CDH23: variants seen among roughly 807,000 people sequenced by gnomAD.
The protein encoded by CDH23 is cadherin-23.
Under a neutral mutation model 317.1 loss-of-function variants are expected in CDH23, and 189 were observed. That is an observed-to-expected ratio of 0.60 (90% CI 0.53 to 0.67). The LOEUF (loss-of-function observed/expected upper bound fraction) is 0.67. Among genes scored for constraint, CDH23 ranks in the 30% least tolerant of loss-of-function variants. The pLI is 0.00. For synonymous variants in CDH23, 1,839 were observed against 1,876.8 expected, an observed-to-expected ratio of 0.98 and a Z score of 0.52; for missense variants, 4,401 against 4,592.4, an observed-to-expected ratio of 0.96 and a Z score of 1.20.
chr10:71,653,012 C>T (rs1863249167), intron 14 of CDH23, among the ~76,000 whole-genome samples: 2 of 152,088 alleles, frequency 1.3e-5, no homozygotes, highest in Admixed American at 1.3e-4. Context: ...TCCCCACCCA[C>T]CCACTGGCCT....
At chr10:71,809,015 A>G (rs1841827380) in intron 60 of CDH23, among the ~76,000 whole-genome samples, 1 of 152,148 alleles carries the variant, frequency 6.6e-6, no homozygotes, top group Non-Finnish European at 1.5e-5. Context: ...TCTTATTTTA[A>G]TAAATCAAGG....
intron 69 of CDH23, 89 bp downstream of exon 69, chr10:71,813,437 TCTCTGGAG>T (rs1382615808): frequency 8.8e-7 from 1 of 1,134,746 alleles, no homozygotes; most frequent in African/African-American, 1.5e-5. Flanking sequence ...CTTCTCTATG[TCTCTGGAG>T]CTCTGCAGCC....
intron 52 of CDH23, 50 bp from the exon 53 acceptor site, chr10:71,800,582 CAATA>C: frequency 6.3e-7 from 1 of 1,580,938 alleles, no homozygotes; most frequent in South Asian, 1.1e-5. Flanking sequence ...AGTAGGTGCT[CAATA>C]AATATCTTTT....
At chr10:71,469,760 A>G (rs1851422923) in intron 3 of CDH23, among the ~76,000 whole-genome samples, 2 of 152,030 alleles carry the variant, frequency 1.3e-5, no homozygotes, top group Non-Finnish European at 2.9e-5. Context: ...CGTGTGCTGC[A>G]TGCCCAGCTA....
rs532090852 is a variant in CDH23 at position 71,671,029 on chromosome 10, G to A, written c.1450-4083G>A. 2.3e-4 allele frequency among the ~76,000 whole-genome samples: 34 copies of A among 149,434 alleles called. 1 individual carries two copies. In the South Asian group the frequency reaches 7.3e-3, roughly 32 times the overall value. Reference sequence around the variant, plus strand: ...GGCTGGAGTGCAGTGGTGCAATCTCGGTTCACTGCAACCTCCGCTTCCCAG... The same window carrying A: ...GGCTGGAGTGCAGTGGTGCAATCTCAGTTCACTGCAACCTCCGCTTCCCAG... On this transcript the variant is annotated intron_variant, in intron 14 of 69. Coordinates refer to ENST00000224721, the MANE Select transcript of CDH23 (RefSeq NM_022124.6).
intron 37 of CDH23, among the ~76,000 whole-genome samples, 195 bp from the exon 38 acceptor site, chr10:71,741,499 T>C (rs1839731024): frequency 6.6e-6 from 1 of 152,236 alleles, no homozygotes; most frequent in African/African-American, 2.4e-5. Flanking sequence ...AGTGAGTTAA[T>C]GCAGGCCCCA....
chr10:71,671,967 CT>C (rs1864166626), intron 14 of CDH23, among the ~76,000 whole-genome samples: 1 of 152,110 alleles, frequency 6.6e-6, no homozygotes, highest in Admixed American at 6.5e-5. Context: ...CTTGAGCTGC[CT>C]TTATGTCCAG....
intron 14 of CDH23, among the ~76,000 whole-genome samples, chr10:71,653,004 C>T (rs1357713341): frequency 6.6e-6 from 1 of 152,098 alleles, no homozygotes; most frequent in Non-Finnish European, 1.5e-5. Context: ...TGCAAGGGTC[C>T]CCACCCACCC....
At chr10:71,792,820 T>TAAAAAAAAAAAA (rs1158593304) in intron 47 of CDH23, among the ~76,000 whole-genome samples, 1 of 47,922 alleles carries the variant, frequency 2.1e-5, no homozygotes, top group Non-Finnish European at 3.6e-5. Flanking sequence ...AGACTCCATC[T>TAAAAAAAAAAAA]AAAAAAAAAA....
At chr10:71,762,714 G>C (rs1840427008) in intron 38 of CDH23, among the ~76,000 whole-genome samples, 1 of 152,234 alleles carries the variant, frequency 6.6e-6, no homozygotes, top group African/African-American at 2.4e-5. Context: ...GCATAGATAG[G>C]ATTTCAGCCA....
At chr10:71,716,517 T>C in intron 28 of CDH23, 2 of 554,058 alleles carry the variant, frequency 3.6e-6, no homozygotes, top group South Asian at 5.2e-5. Flanking sequence ...CAAGTCTAAG[T>C]GTACACACAG....
At chr10:71,712,453 T>G (rs926243100) in intron 27 of CDH23, 2 of 571,792 alleles carry the variant, frequency 3.5e-6, no homozygotes, top group Non-Finnish European at 6.3e-6. Flanking sequence ...CTGAATGGGT[T>G]AGAAGAATGG....
At chr10:71,700,932 C>T (rs1865559155) in intron 22 of CDH23, among the ~76,000 whole-genome samples, 1 of 152,218 alleles carries the variant, frequency 6.6e-6, no homozygotes, top group Non-Finnish European at 1.5e-5. Flanking sequence ...GCACAAAAGG[C>T]TCCACATCAA....
chr10:71,645,568 C>G, intron 12 of CDH23: 2 of 655,262 alleles, frequency 3.1e-6, no homozygotes, highest in South Asian at 2.9e-5. Context: ...TGAACCAAAC[C>G]ACCTGAAGGG....
At chr10:71,535,499 G>A (rs1379961725) in intron 6 of CDH23, among the ~76,000 whole-genome samples, 2 of 152,346 alleles carry the variant, frequency 1.3e-5, no homozygotes. Context: ...CCTGGAAAAC[G>A]CCAAGGAAAA....
At chr10:71,404,415 C>T (rs548810524) in intron 1 of CDH23, among the ~76,000 whole-genome samples, 2 of 152,272 alleles carry the variant, frequency 1.3e-5, no homozygotes, top group Non-Finnish European at 2.9e-5. Context: ...TCCCTATTGC[C>T]TCACTTTGGA....
intron 3 of CDH23, among the ~76,000 whole-genome samples, chr10:71,447,273 A>G (rs1285119057): frequency 1.3e-5 from 2 of 152,146 alleles, no homozygotes; most frequent in Non-Finnish European, 2.9e-5. Context: ...GGGGCGGGGT[A>G]TCAAGATGCT....
At chr10:71,544,629 G>A (rs1422150933) in intron 6 of CDH23, among the ~76,000 whole-genome samples, 4 of 152,174 alleles carry the variant, frequency 2.6e-5, no homozygotes, top group East Asian at 1.9e-4. Context: ...CACCAGGCCC[G>A]GGGCCACAGG....
chr10:71,633,724 T>A (rs989213673), intron 11 of CDH23, among the ~76,000 whole-genome samples: 7 of 152,214 alleles, frequency 4.6e-5, no homozygotes, highest in African/African-American at 1.7e-4. Flanking sequence ...GTTTATGGCC[T>A]CCTATGACGG....
Sources: allele counts gnomAD v4.1 joint callset (sites outside exome capture counted in the v4.1 genomes callset), GRCh38; gene constraint gnomAD v4.1.1; transcripts MANE v1.5; gene names NCBI Gene and HGNC (gene_info 2026-07-23, HGNC 2026-07-21).